MAPT: variants seen among roughly 807,000 people sequenced by gnomAD.
The protein encoded by MAPT is microtubule-associated protein tau.
In MAPT, 34 loss-of-function variants were observed where a neutral mutation model predicts 67.9. That is an observed-to-expected ratio of 0.50 (90% CI 0.38 to 0.67). The LOEUF is 0.67. Ranked by LOEUF, MAPT falls within the 30% of genes least tolerant of loss-of-function variation. The pLI, the probability that MAPT is intolerant of heterozygous loss-of-function variation, is 0.00. For synonymous variants in MAPT, 456 were observed against 464.5 expected, an observed-to-expected ratio of 0.98 and a Z score of 0.23; for missense variants, 881 against 1,115.2, an observed-to-expected ratio of 0.79 and a Z score of 2.99.
At chr17:46,018,591 G>A in intron 11 of MAPT, 27 bp from the exon 12 acceptor site, 1 of 1,477,924 alleles carries the variant, frequency 6.8e-7, no homozygotes, top group Non-Finnish European at 9.5e-7. Flanking sequence ...ATGATGGCAA[G>A]ATGCTCTTGT....
intron 1 of MAPT, among the ~76,000 whole-genome samples, chr17:45,903,938 A>T (rs2063871914): frequency 2.6e-4 from 6 of 22,876 alleles, no homozygotes; most frequent in Admixed American, 8.7e-4. Flanking sequence ...TTATATATTT[A>T]TATATAATAT....
At chr17:45,926,918 TATATATACAC>T (rs138183364) in intron 1 of MAPT, among the ~76,000 whole-genome samples, 22 of 150,412 alleles carry the variant, frequency 1.5e-4, no homozygotes, top group South Asian at 2.1e-4. Context: ...TATGTGTGTA[TATATATACAC>T]ATATATACAC....
At chr17:45,940,439 C>T (rs553484365) in intron 1 of MAPT, among the ~76,000 whole-genome samples, 15 of 152,328 alleles carry the variant, frequency 9.8e-5, no homozygotes, top group East Asian at 3.9e-4. Context: ...CCCCATAGGG[C>T]GTAGTGAGGA....
chr17:45,909,484 C>T (rs898919161), intron 1 of MAPT, among the ~76,000 whole-genome samples: 10 of 152,290 alleles, frequency 6.6e-5, no homozygotes, highest in Admixed American at 1.3e-4. Flanking sequence ...CCTATAATCC[C>T]AGCACTTTGG....
At chr17:45,951,734 G>A (rs1443865141) in intron 1 of MAPT, among the ~76,000 whole-genome samples, 1 of 151,964 alleles carries the variant, frequency 6.6e-6, no homozygotes, top group African/African-American at 2.4e-5. Flanking sequence ...CCACAGGGAC[G>A]GACTCAGGAG....
In MAPT at chr17:45,989,965, A is replaced by G. The variant is rs776761439; in HGVS notation, c.1495A>G (p.Ile499Val). The G allele has an allele frequency of 6.2e-7, 1 of 1,614,116 alleles. No homozygotes were observed. Among genetic ancestry groups the G allele is most frequent in the Non-Finnish European group, 8.5e-7 (1 of 1,180,000 alleles). The change falls in exon 7 of 13, where the codon ATC (isoleucine) becomes GTC (valine). Residue 499 changes from isoleucine (I) to valine (V), a missense_variant. Physicochemically the swap from Ile to Val is conservative, Grantham distance 29. This residue lies in a region of MAPT where 687 missense variants were observed against 766.1 expected (regional missense o/e 0.90). Coordinates refer to ENST00000262410, the MANE Select transcript of MAPT (RefSeq NM_001377265.1). ...CACTCCTGGTAGCTCAGACCCTCTG[A>G]TCCAACCCTCCAGCCCTGCTGTGTG... ...HPTPGSSDPL[I>V]QPSSPAVCPE...
chr17:45,899,171 G>T (rs2063464959), intron 1 of MAPT, among the ~76,000 whole-genome samples: 2 of 152,190 alleles, frequency 1.3e-5, no homozygotes, highest in South Asian at 4.1e-4. Flanking sequence ...TTCTCAACTG[G>T]GGGCCACTGA....
chr17:45,924,684 C>T (rs1005615947), intron 1 of MAPT, among the ~76,000 whole-genome samples: 1 of 152,218 alleles, frequency 6.6e-6, no homozygotes, highest in African/African-American at 2.4e-5. Context: ...GCTGCTCCTG[C>T]CCACTTGGAA....
intron 1 of MAPT, among the ~76,000 whole-genome samples, chr17:45,941,685 T>TCCACCCTTCCCC (rs1555690332): frequency 3.6e-5 from 1 of 28,094 alleles, no homozygotes; most frequent in African/African-American, 1.4e-4. Flanking sequence ...CTTCCCTCCT[T>TCCACCCTTCCCC]CCTTCCTTCC....
At chr17:46,006,988 TA>T (rs1162272482) in intron 9 of MAPT, among the ~76,000 whole-genome samples, 3 of 149,658 alleles carry the variant, frequency 2.0e-5, no homozygotes, top group African/African-American at 4.9e-5. Flanking sequence ...ATAAATAAAA[TA>T]AAATAAAATG....
At position 45,996,337 on chromosome 17, in the gene MAPT, C is replaced by G; in HGVS notation, c.1733-62C>G. On this transcript the variant is annotated intron_variant, in intron 8 of 12. Transcript: ENST00000262410. The surrounding 1 kb of genome is among the most constrained non-coding windows in gnomAD (Gnocchi z 4.5). ...AATGGACCCACGGGACAGGCAGCCC[C>G]CAGGGCCTTTTCTGACCCCACCCAC... The G allele has an allele frequency of 1.9e-6, 3 of 1,584,838 alleles. No individual in the cohort carries two copies. Among genetic ancestry groups the G allele is most frequent in the Non-Finnish European group, 2.6e-6 (3 of 1,164,292 alleles).
At chr17:45,998,389 T>G (rs940175189) in intron 9 of MAPT, among the ~76,000 whole-genome samples, 1 of 152,196 alleles carries the variant, frequency 6.6e-6, no homozygotes, top group East Asian at 1.9e-4. Flanking sequence ...AGTCCCTGCG[T>G]GCCAGGCGGT....
intron 2 of MAPT, among the ~76,000 whole-genome samples, chr17:45,966,396 T>G (rs1004243220): frequency 1.3e-5 from 2 of 152,122 alleles, no homozygotes; most frequent in Non-Finnish European, 2.9e-5. Flanking sequence ...GAGACAAGCC[T>G]GGGCAACATG....
intron 9 of MAPT, among the ~76,000 whole-genome samples, chr17:45,999,026 C>A (rs1193350419): frequency 6.6e-6 from 1 of 152,192 alleles, no homozygotes; most frequent in Non-Finnish European, 1.5e-5. Context: ...CTCCCTTCCC[C>A]CTAGCCTGAA....
chr17:45,997,290 A>T (rs780052200), intron 9 of MAPT, among the ~76,000 whole-genome samples: 1 of 152,132 alleles, frequency 6.6e-6, no homozygotes, highest in African/African-American at 2.4e-5. Flanking sequence ...TAGGGCTGAC[A>T]TACAAAGCAC....
chr17:46,009,684 C>T (rs1054862566), intron 9 of MAPT, among the ~76,000 whole-genome samples: 29 of 152,178 alleles, frequency 1.9e-4, no homozygotes, highest in African/African-American at 6.8e-4. Context: ...GTCCTGCCTA[C>T]GGGGTCAGGG....
At chr17:45,981,450 G>A (rs2072938039) in intron 4 of MAPT, among the ~76,000 whole-genome samples, 1 of 152,244 alleles carries the variant, frequency 6.6e-6, no homozygotes. Flanking sequence ...TTGGTGTGCA[G>A]CAAGCTGTGT....
At chr17:45,944,375 A>C (rs138313199) in intron 1 of MAPT, among the ~76,000 whole-genome samples, 2 of 152,286 alleles carry the variant, frequency 1.3e-5, no homozygotes, top group African/African-American at 4.8e-5. Context: ...TCCACCTCCA[A>C]ACTCAGGGGC....
At chr17:45,978,482 G>T (rs1177293038) in intron 4 of MAPT, 42 bp downstream of exon 4, 1 of 1,502,276 alleles carries the variant, frequency 6.7e-7, no homozygotes, top group South Asian at 1.1e-5. Context: ...GGGGGTTGGG[G>T]GGAGGGACAT....
Sources: allele counts gnomAD v4.1 joint callset (sites outside exome capture counted in the v4.1 genomes callset), GRCh38; gene constraint gnomAD v4.1.1; regional missense constraint gnomAD v4.1.1; non-coding constraint Gnocchi (gnomAD v3.1); transcripts MANE v1.5; gene names NCBI Gene and HGNC (gene_info 2026-07-23, HGNC 2026-07-21).